The following KSR2 variants were observed in gnomAD, a reference collection of about 807,000 sequenced individuals.
KSR2 encodes kinase suppressor of ras 2.
In KSR2, 25 loss-of-function variants were observed where a neutral mutation model predicts 107.8. The observed-to-expected ratio is 0.23, with a 90% CI of 0.17 to 0.32. KSR2 has a LOEUF of 0.32. Ranked by LOEUF, KSR2 falls within the 10% of genes least tolerant of loss-of-function variation. The probability of loss-of-function intolerance (pLI) is 1.00; values close to 1 mark genes in which losing one functional copy is unlikely to be tolerated. For synonymous variants in KSR2, 480 were observed against 507.0 expected (o/e 0.95, Z 0.71); for missense variants, 887 against 1,268.9 (o/e 0.70, Z 4.57).
intron 1 of KSR2, among the ~76,000 whole-genome samples, chr12:117,911,787 TCGC>T (rs1895022954): frequency 1.3e-5 from 1 of 77,020 alleles, no homozygotes; most frequent in East Asian, 8.8e-4. Flanking sequence ...TTCATGAGGA[TCGC>T]AAACTCTCAA....
At chr12:117,834,867 T>C (rs1258215478) in intron 3 of KSR2, among the ~76,000 whole-genome samples, 1 of 152,202 alleles carries the variant, frequency 6.6e-6, no homozygotes, top group African/African-American at 2.4e-5. Flanking sequence ...TTAATTTTTT[T>C]ATGTTCAAAG....
intron 1 of KSR2, among the ~76,000 whole-genome samples, chr12:117,900,911 T>G (rs1022518267): frequency 6.6e-6 from 1 of 152,212 alleles, no homozygotes; most frequent in African/African-American, 2.4e-5. Context: ...AAAGACACCT[T>G]TTCTCTTCAA....
At chr12:117,733,062 A>T (rs1887794673) in intron 4 of KSR2, among the ~76,000 whole-genome samples, 1 of 152,158 alleles carries the variant, frequency 6.6e-6, no homozygotes, top group South Asian at 2.1e-4. Flanking sequence ...AATTAATGGA[A>T]AATAGGAAGA....
chr12:117,525,674 C>T (rs1226439394), intron 13 of KSR2, among the ~76,000 whole-genome samples: 1 of 152,194 alleles, frequency 6.6e-6, no homozygotes, highest in Non-Finnish European at 1.5e-5. Context: ...TGGCTGTTTA[C>T]GTGCATGTGA....
intron 3 of KSR2, among the ~76,000 whole-genome samples, chr12:117,775,507 G>A (rs1203960507): frequency 2.6e-5 from 4 of 152,250 alleles, no homozygotes; most frequent in Non-Finnish European, 4.4e-5. Flanking sequence ...AGATTGAGAG[G>A]AAATTACAGC....
At chr12:117,740,260 C>A (rs1888122513) in intron 4 of KSR2, among the ~76,000 whole-genome samples, 1 of 148,376 alleles carries the variant, frequency 6.7e-6, no homozygotes, top group Middle Eastern at 3.5e-3. Flanking sequence ...GCCATTAATT[C>A]ATTCCTTTCT....
rs189391119 is a variant in KSR2, at chr12:117,935,482, G to A, written c.180+32594C>T. 3.6e-3 allele frequency among the ~76,000 whole-genome samples: 553 copies of A among 152,228 alleles called. 4 individuals carry two copies. Among genetic ancestry groups the A allele is most frequent in the Non-Finnish European group, 4.4e-3 (302 of 68,008 alleles). ...CTGGTCTCAAAAGCTCTCATGGGCC[G>A]GGCATGGTGGTTCATGCCTGTAATC... On this transcript the variant is annotated intron_variant, in intron 1 of 19. Coordinates refer to ENST00000339824, the MANE Select transcript of KSR2 (RefSeq NM_173598.6).
At chr12:117,731,669 A>G (rs1411444810) in intron 4 of KSR2, among the ~76,000 whole-genome samples, 2 of 151,704 alleles carry the variant, frequency 1.3e-5, no homozygotes, top group African/African-American at 4.8e-5. Flanking sequence ...GACATGGGAG[A>G]CTCCATTTTG....
intron 4 of KSR2, among the ~76,000 whole-genome samples, chr12:117,725,629 T>C (rs559507289): frequency 1.1e-4 from 17 of 152,262 alleles, no homozygotes; most frequent in Admixed American, 1.1e-3. Flanking sequence ...CAAAGATTTC[T>C]TAGGACACAA....
intron 4 of KSR2, among the ~76,000 whole-genome samples, chr12:117,672,291 C>T (rs943088983): frequency 6.6e-6 from 1 of 152,176 alleles, no homozygotes; most frequent in African/African-American, 2.4e-5. Flanking sequence ...TGCAGTATAT[C>T]CCACAGATGC....
At chr12:117,574,204 T>C (rs78390108) in intron 7 of KSR2, among the ~76,000 whole-genome samples, 4 of 151,630 alleles carry the variant, frequency 2.6e-5, no homozygotes, top group Admixed American at 6.6e-5. Flanking sequence ...TTTTTTTTTT[T>C]CTTTTTAATA....
At chr12:117,573,650 C>T (rs1879054316) in intron 7 of KSR2, among the ~76,000 whole-genome samples, 2 of 151,456 alleles carry the variant, frequency 1.3e-5, no homozygotes, top group South Asian at 4.2e-4. Context: ...GCCTCAGCCT[C>T]CTGAGTAGCT....
intron 3 of KSR2, among the ~76,000 whole-genome samples, chr12:117,818,465 G>A (rs1270175135): frequency 2.0e-5 from 3 of 152,196 alleles, no homozygotes; most frequent in African/African-American, 7.2e-5. Context: ...CTATGAGAAA[G>A]AAGGGAGCTA....
At chr12:117,948,248 A>C (rs1403417354) in intron 1 of KSR2, among the ~76,000 whole-genome samples, 2 of 151,982 alleles carry the variant, frequency 1.3e-5, no homozygotes, top group African/African-American at 4.8e-5. Context: ...CAGGAGTTCG[A>C]GACCAGCTGC....
chr12:117,544,619 A>C (rs1179164037), intron 9 of KSR2, among the ~76,000 whole-genome samples: 1 of 137,656 alleles, frequency 7.3e-6, no homozygotes, highest in Non-Finnish European at 1.6e-5. Flanking sequence ...ACTCTGTCTC[A>C]AAAAAAAAAA....
intron 4 of KSR2, among the ~76,000 whole-genome samples, chr12:117,695,312 G>T (rs1391519067): frequency 6.6e-6 from 1 of 152,118 alleles, no homozygotes; most frequent in East Asian, 1.9e-4. Flanking sequence ...AATGGTGATG[G>T]TTGCACAACA....
Position 117,790,653 on chromosome 12 carries a change from G to A in KSR2, c.473-29129C>T, listed in dbSNP as rs1350123958. Among the ~76,000 whole-genome samples the A allele has an allele frequency of 2.6e-5, 4 of 152,134 alleles. No individual in the cohort carries two copies. In the East Asian group the frequency reaches 5.8e-4, roughly 22 times the overall value. On this transcript the variant is annotated intron_variant, in intron 3 of 19. Coordinates refer to ENST00000339824, the MANE Select transcript of KSR2 (RefSeq NM_173598.6). ...AGTATGTCGCTTTTTAATCTTTGTAGCTATCTTATTTTGGAATAAAATGGC... is the reference window on the plus strand; with the variant it reads ...AGTATGTCGCTTTTTAATCTTTGTAACTATCTTATTTTGGAATAAAATGGC...
intron 4 of KSR2, among the ~76,000 whole-genome samples, chr12:117,702,545 G>T (rs1886370762): frequency 1.3e-5 from 2 of 152,222 alleles, no homozygotes; most frequent in Non-Finnish European, 2.9e-5. Context: ...TGAATAGGTG[G>T]TTTAGCCTGA....
At chr12:117,652,475 C>T (rs190622255) in intron 5 of KSR2, among the ~76,000 whole-genome samples, 1 of 152,174 alleles carries the variant, frequency 6.6e-6, no homozygotes, top group Admixed American at 6.5e-5. Context: ...GGACAAAAGG[C>T]TAATTTGAAT....
Sources: gnomAD v4.1 joint callset for allele counts (sites outside exome capture counted in the v4.1 genomes callset) on GRCh38, gnomAD v4.1.1 for gene constraint, MANE v1.5 for transcripts, NCBI Gene and HGNC (gene_info 2026-07-23, HGNC 2026-07-21) for gene names.